Variants in PWWP2A observed in about 807,000 individuals in gnomAD.
The protein encoded by PWWP2A is PWWP domain containing 2A.
A neutral mutation model predicts 48.5 loss-of-function variants in PWWP2A; 18 were observed. The ratio of observed to expected loss-of-function variants is 0.37; its 90% CI spans 0.26 to 0.55. The LOEUF is 0.55. Ranked by LOEUF, PWWP2A falls within the 20% of genes least tolerant of loss-of-function variation. The pLI is 0.81. For synonymous variants in PWWP2A, 396 were observed against 387.7 expected (o/e 1.02, Z -0.25); for missense variants, 867 against 976.4 (o/e 0.89, Z 1.49).
chr5:160,098,989 G>A (rs1755974640), intron 1 of PWWP2A, among the ~76,000 whole-genome samples: 1 of 152,098 alleles, frequency 6.6e-6, no homozygotes, highest in Non-Finnish European at 1.5e-5. Context: ...TTCAAGTACA[G>A]TCTGTGAAAA....
intron 5 of PWWP2A, among the ~76,000 whole-genome samples, chr5:160,062,767 G>A (rs1308095391): frequency 6.6e-6 from 1 of 151,924 alleles, no homozygotes; most frequent in Non-Finnish European, 1.5e-5. Flanking sequence ...AAGAGCCAAG[G>A]ATTTCCCAGT....
intron 1 of PWWP2A, among the ~76,000 whole-genome samples, chr5:160,096,956 T>C (rs1314514891): frequency 1.3e-5 from 2 of 151,330 alleles, no homozygotes; most frequent in South Asian, 2.1e-4. Flanking sequence ...TAAAGATCAA[T>C]AGGTGAATAC....
chr5:160,086,122 A>G (rs1475358472), intron 2 of PWWP2A, among the ~76,000 whole-genome samples: 1 of 152,190 alleles, frequency 6.6e-6, no homozygotes. Context: ...CCCGGCCTTT[A>G]TAACTGTCAC....
intron 3 of PWWP2A, among the ~76,000 whole-genome samples, chr5:160,079,477 T>C (rs148242554): frequency 1.8e-3 from 278 of 151,858 alleles, no homozygotes; most frequent in African/African-American, 6.3e-3. Context: ...AAATTTGACA[T>C]TGAGCTCAGT....
chr5:160,102,185 T>A (rs957555194), intron 1 of PWWP2A, among the ~76,000 whole-genome samples: 2 of 148,540 alleles, frequency 1.3e-5, no homozygotes, highest in South Asian at 2.1e-4. Context: ...GGCAGGTGGA[T>A]CACCTGAGGT....
chr5:160,085,358 A>T (rs1244696163), intron 2 of PWWP2A, among the ~76,000 whole-genome samples: 1 of 152,208 alleles, frequency 6.6e-6, no homozygotes, highest in East Asian at 1.9e-4. Flanking sequence ...GTGTGATCAT[A>T]ACAGTCTAAC....
Position 160,118,876 on chromosome 5 carries a change from C to T in PWWP2A, c.513G>A (p.Glu171=), listed in dbSNP as rs1222723258. Residue 171 remains glutamate (E), a synonymous_variant, in exon 1 of 2, where the codon GAG becomes GAA. Transcript: ENST00000307063. ...AGCGGAACGACACGACAAGCGCGTCCTCAATGATGTGGTCCAGCGTGACCC... is the reference window on the plus strand; with the variant it reads ...AGCGGAACGACACGACAAGCGCGTCTTCAATGATGTGGTCCAGCGTGACCC... ...EVRVTLDHII[E]DALVVSFRFG... The T allele has an allele frequency of 1.3e-6, 2 of 1,597,154 alleles. No homozygotes were observed. The highest frequency in any genetic ancestry group is 1.7e-6 in the Non-Finnish European group (2 of 1,173,246).
chr5:160,103,976 T>G (rs910061153), intron 1 of PWWP2A, among the ~76,000 whole-genome samples: 9 of 151,306 alleles, frequency 5.9e-5, no homozygotes, highest in South Asian at 2.1e-4. Context: ...ACAAAAAAAT[T>G]AGAAGGGCCT....
chr5:160,054,810 A>G, the PWWP2A span, among the ~76,000 whole-genome samples: 1 of 152,192 alleles, frequency 6.6e-6, no homozygotes, highest in South Asian at 2.1e-4. Flanking sequence ...CTTTATGGGT[A>G]TATTTCATTG....
At chr5:160,085,221 G>GTAAT (rs1407527533) in intron 2 of PWWP2A, among the ~76,000 whole-genome samples, 1 of 151,900 alleles carries the variant, frequency 6.6e-6, no homozygotes, top group Non-Finnish European at 1.5e-5. Flanking sequence ...TACAGACAGG[G>GTAAT]TAATCCAAAC....
chr5:160,080,177 A>G (rs1295024252), intron 3 of PWWP2A, among the ~76,000 whole-genome samples: 2 of 152,224 alleles, frequency 1.3e-5, no homozygotes, highest in Non-Finnish European at 2.9e-5. Flanking sequence ...TTTTGTGACT[A>G]ATTCACTAAG....
chr5:160,110,566 T>A (rs1757455387), intron 1 of PWWP2A, among the ~76,000 whole-genome samples: 1 of 150,406 alleles, frequency 6.6e-6, no homozygotes, highest in Non-Finnish European at 1.5e-5. Context: ...ATTAGCCAGG[T>A]GTGGTGGTGC....
chr5:160,107,187 A>G (rs1203505902), intron 1 of PWWP2A, among the ~76,000 whole-genome samples: 1 of 152,116 alleles, frequency 6.6e-6, no homozygotes, highest in Non-Finnish European at 1.5e-5. Context: ...TACTTTGGCA[A>G]ACTACCCCCT....
chr5:160,112,056 G>A (rs1425978422), intron 1 of PWWP2A, among the ~76,000 whole-genome samples: 1 of 149,156 alleles, frequency 6.7e-6, no homozygotes, highest in Non-Finnish European at 1.5e-5. Flanking sequence ...GAGCCCAGGA[G>A]GTTGAGGCTG....
Position 160,105,230 on chromosome 5 carries a change from T to C in PWWP2A, c.585-11165A>G, listed in dbSNP as rs532305923. Among the ~76,000 whole-genome samples the C allele has an allele frequency of 1.7e-3, 182 of 108,628 alleles. 1 individual carries two copies. The highest frequency in any genetic ancestry group is 6.4e-3 in the African/African-American group (166 of 26,034). The allele number at this position is 108,628 out of a possible 152,430, so 71.3% of individuals were successfully genotyped here. ...TCCAGCCTGAGCAACAGAGACTCTGTCTCTAAGGCAAAAAAAAAAAAAAAA... is the reference window on the plus strand; with the variant it reads ...TCCAGCCTGAGCAACAGAGACTCTGCCTCTAAGGCAAAAAAAAAAAAAAAA... On this transcript the variant is annotated intron_variant, in intron 1 of 1. Coordinates refer to ENST00000307063, the MANE Select transcript of PWWP2A (RefSeq NM_001130864.2).
chr5:160,087,959 CTG>C (rs1754771593), downstream of PWWP2A, among the ~76,000 whole-genome samples: 1 of 152,202 alleles, frequency 6.6e-6, no homozygotes. Context: ...AGCTATATCA[CTG>C]TGACTTTAAA....
At chr5:160,058,451 C>T (rs954158338), downstream of PWWP2A, among the ~76,000 whole-genome samples, 22 of 148,596 alleles carry the variant, frequency 1.5e-4, no homozygotes, top group South Asian at 6.5e-4. Flanking sequence ...CGCTGTGTCG[C>T]CCAGGCTGGA....
At position 160,119,014 on chromosome 5, in the gene PWWP2A, C is replaced by CG; in HGVS notation, c.374dup (p.Ala126GlyfsTer46). The CG allele has an allele frequency of 6.3e-7, 1 of 1,598,762 alleles. No individual in the cohort carries two copies. On this transcript the variant is annotated frameshift_variant, in exon 1 of 2. Coordinates refer to ENST00000307063, the MANE Select transcript of PWWP2A (RefSeq NM_001130864.2). LOFTEE classifies it high-confidence loss of function. Reference sequence around the variant, plus strand: ...GCGGCTCCTCGCGCTCCTCGGGAGCCGGGGGCTGCTCCGGCGGCGATGCAG... The same window carrying CG: ...GCGGCTCCTCGCGCTCCTCGGGAGCCGGGGGGCTGCTCCGGCGGCGATGCAG...
chr5:160,046,882 C>T, the PWWP2A span, among the ~76,000 whole-genome samples: 31 of 151,944 alleles, frequency 2.0e-4, no homozygotes, highest in African/African-American at 6.5e-4. Flanking sequence ...CATGGCGGCA[C>T]GTGCCTGTAA....
Sources: gnomAD v4.1 joint callset for allele counts (sites outside exome capture counted in the v4.1 genomes callset) on GRCh38, gnomAD v4.1.1 for gene constraint, MANE v1.5 for transcripts, NCBI Gene and HGNC (gene_info 2026-07-23, HGNC 2026-07-21) for gene names.